GMDS: variants seen among roughly 807,000 people sequenced by gnomAD.
GMDS encodes GDP-mannose 4,6-dehydratase.
In GMDS, 20 loss-of-function variants were observed where a neutral mutation model predicts 49.9. That is an observed-to-expected ratio of 0.40 (90% CI 0.28 to 0.58). The LOEUF is 0.58. Ranked by LOEUF, GMDS falls within the 20% of genes least tolerant of loss-of-function variation. GMDS has a pLI of 0.42. For missense variants in GMDS, 362 were observed against 481.4 expected (o/e 0.75, Z 2.32); for synonymous variants, 177 against 178.6 (o/e 0.99, Z 0.07).
Position 1,824,189 on chromosome 6 carries a change from T to C in GMDS, c.772-81603A>G, listed in dbSNP as rs564134796. On this transcript the variant is annotated intron_variant, in intron 7 of 10. Coordinates refer to ENST00000380815, the MANE Select transcript of GMDS (RefSeq NM_001500.4). ...GGGACCCTTGAAGTATACTATGTGATTGAGTTGCCTTATAACCTTCTCCTC... is the reference window on the plus strand; with the variant it reads ...GGGACCCTTGAAGTATACTATGTGACTGAGTTGCCTTATAACCTTCTCCTC... Among the ~76,000 whole-genome samples, 6 of 152,260 alleles carry C rather than the reference T, an allele frequency of 3.9e-5. No homozygotes were observed. The East Asian group carries it at 7.7e-4, about 20-fold the overall frequency.
intron 8 of GMDS, among the ~76,000 whole-genome samples, chr6:1,727,751 A>C (rs1766646188): frequency 6.6e-6 from 1 of 152,192 alleles, no homozygotes; most frequent in Admixed American, 6.5e-5. Flanking sequence ...CTTGGTAGCA[A>C]AGGGGAAATA....
At chr6:1,951,879 GA>G (rs1362749527) in intron 6 of GMDS, 4 of 984,776 alleles carry the variant, frequency 4.1e-6, no homozygotes, top group Non-Finnish European at 4.8e-6. Flanking sequence ...CTTTTACAAA[GA>G]TAAGAGCAGC....
intron 1 of GMDS, among the ~76,000 whole-genome samples, chr6:2,226,678 C>A (rs1780825234): frequency 6.6e-6 from 1 of 152,154 alleles, no homozygotes; most frequent in Admixed American, 6.5e-5. Context: ...AACTCTGATT[C>A]TACTAGCATT....
intron 1 of GMDS, among the ~76,000 whole-genome samples, chr6:2,225,985 C>T (rs1581824519): frequency 6.6e-6 from 1 of 151,914 alleles, no homozygotes; most frequent in Non-Finnish European, 1.5e-5. Context: ...GCTCCCATTC[C>T]AGCCCCTGAA....
At chr6:1,728,804 T>C (rs889492066) in intron 8 of GMDS, among the ~76,000 whole-genome samples, 2 of 152,176 alleles carry the variant, frequency 1.3e-5, no homozygotes, top group Non-Finnish European at 2.9e-5. Flanking sequence ...AGATCACATA[T>C]AGTCTCTGTT....
chr6:1,971,760 G>A (rs921662101), intron 4 of GMDS, among the ~76,000 whole-genome samples: 1 of 152,194 alleles, frequency 6.6e-6, no homozygotes, highest in Non-Finnish European at 1.5e-5. Flanking sequence ...CAGGAGGGCT[G>A]GAAAATATTT....
intron 6 of GMDS, among the ~76,000 whole-genome samples, chr6:1,942,566 G>A (rs1049569933): frequency 7.2e-5 from 11 of 152,196 alleles, no homozygotes; most frequent in Non-Finnish European, 1.0e-4. Flanking sequence ...GGAGTTGAAA[G>A]AGAAAACAGT....
At chr6:2,135,549 G>A (rs1041969586) in intron 1 of GMDS, among the ~76,000 whole-genome samples, 4 of 152,008 alleles carry the variant, frequency 2.6e-5, no homozygotes, top group Non-Finnish European at 4.4e-5. Context: ...TCCTACATTT[G>A]AGTTTCTATA....
intron 7 of GMDS, among the ~76,000 whole-genome samples, chr6:1,866,181 G>C (rs564496867): frequency 1.3e-5 from 2 of 152,318 alleles, no homozygotes; most frequent in African/African-American, 2.4e-5. Context: ...TGAGAGTGCA[G>C]TTATTCCACA....
intron 4 of GMDS, among the ~76,000 whole-genome samples, chr6:1,963,410 T>C (rs546596486): frequency 2.0e-5 from 3 of 152,290 alleles, no homozygotes; most frequent in Non-Finnish European, 4.4e-5. Flanking sequence ...ATTTATCTAC[T>C]TTTTCTTTTG....
At chr6:1,670,404 G>C (rs1275073609) in intron 9 of GMDS, among the ~76,000 whole-genome samples, 3 of 151,284 alleles carry the variant, frequency 2.0e-5, no homozygotes, top group Admixed American at 1.3e-4. Flanking sequence ...TAAAAATGAG[G>C]ACAGCATTAG....
chr6:2,132,787 A>G (rs1775806393), intron 1 of GMDS, among the ~76,000 whole-genome samples: 1 of 152,210 alleles, frequency 6.6e-6, no homozygotes, highest in African/African-American at 2.4e-5. Flanking sequence ...GCCTAACCGG[A>G]CAGTTCAGTG....
At chr6:1,630,465 G>A (rs1188345977) in intron 9 of GMDS, among the ~76,000 whole-genome samples, 1 of 152,222 alleles carries the variant, frequency 6.6e-6, no homozygotes, top group Non-Finnish European at 1.5e-5. Flanking sequence ...GCCCAGCCCA[G>A]GAACATGCCC....
chr6:2,239,849 C>A (rs1781531047), intron 1 of GMDS, among the ~76,000 whole-genome samples: 1 of 152,156 alleles, frequency 6.6e-6, no homozygotes, highest in Non-Finnish European at 1.5e-5. Context: ...CCATGCCCAG[C>A]TAATTTTTTT....
chr6:1,732,934 C>A (rs1257450383), intron 8 of GMDS, among the ~76,000 whole-genome samples: 5 of 152,172 alleles, frequency 3.3e-5, no homozygotes, highest in African/African-American at 9.7e-5. Flanking sequence ...GAGTGACAAA[C>A]CCCCTCCCCG....
At chr6:2,211,383 C>G (rs554930828) in intron 1 of GMDS, among the ~76,000 whole-genome samples, 2 of 152,168 alleles carry the variant, frequency 1.3e-5, no homozygotes, top group Non-Finnish European at 2.9e-5. Flanking sequence ...AAAATAATCT[C>G]AAGTATCTAT....
intron 9 of GMDS, among the ~76,000 whole-genome samples, chr6:1,722,364 G>A (rs972894786): frequency 6.6e-6 from 1 of 151,524 alleles, no homozygotes; most frequent in Non-Finnish European, 1.5e-5. Context: ...TGGGATTACA[G>A]GTGTGAGCCA....
intron 1 of GMDS, among the ~76,000 whole-genome samples, chr6:2,238,669 G>A (rs1286304721): frequency 1.3e-5 from 2 of 152,000 alleles, no homozygotes; most frequent in African/African-American, 4.8e-5. Flanking sequence ...ATCATCATTT[G>A]TAATCCACAC....
At chr6:1,663,849 A>T (rs932276842) in intron 9 of GMDS, among the ~76,000 whole-genome samples, 1 of 151,986 alleles carries the variant, frequency 6.6e-6, no homozygotes, top group African/African-American at 2.4e-5. Context: ...CATGGCACAG[A>T]TCTCCTCCTG....
Sources: allele counts gnomAD v4.1 joint callset (sites outside exome capture counted in the v4.1 genomes callset), GRCh38; gene constraint gnomAD v4.1.1; transcripts MANE v1.5; gene names NCBI Gene and HGNC (gene_info 2026-07-23, HGNC 2026-07-21).